The following ALG13 variants were observed in gnomAD, a reference collection of about 807,000 sequenced individuals.
ALG13 encodes the protein ALG13 UDP-N-acetylglucosaminyltransferase subunit.
In ALG13, 11 loss-of-function variants were observed where a neutral mutation model predicts 87.8. The ratio of observed to expected loss-of-function variants is 0.13; its 90% CI spans 0.08 to 0.21. ALG13 has a LOEUF of 0.21. Among genes scored for constraint, ALG13 ranks in the 10% least tolerant of loss-of-function variants. ALG13 has a pLI of 1.00. For synonymous variants in ALG13, 320 were observed against 306.3 expected (o/e 1.04, Z -0.47); for missense variants, 756 against 866.1 (o/e 0.87, Z 1.60).
intron 19 of ALG13, among the ~76,000 whole-genome samples, chrX:111,728,603 G>C (rs1312146846): frequency 9.0e-6 from 1 of 111,206 alleles, no homozygotes; most frequent in Non-Finnish European, 1.9e-5. Flanking sequence ...ACATCTATTC[G>C]TTGTTAGTAG....
At chrX:111,698,009 A>C (rs1440438921) in intron 3 of ALG13, among the ~76,000 whole-genome samples, 1 of 112,111 alleles carries the variant, frequency 8.9e-6, no homozygotes, top group East Asian at 2.8e-4. Flanking sequence ...TCTAAAATTA[A>C]GGTAATACAT....
chrX:111,682,412 G>A (rs1313101076), intron 2 of ALG13, 118 bp downstream of exon 2: 9 of 519,057 alleles, frequency 1.7e-5, no homozygotes, highest in African/African-American at 4.9e-5. Context: ...GTAAACGTGT[G>A]CCATGCATCA....
chrX:111,695,599 TA>T (rs1180819216), intron 3 of ALG13, among the ~76,000 whole-genome samples: 2 of 110,361 alleles, frequency 1.8e-5, no homozygotes, highest in East Asian at 2.8e-4. Context: ...TATTTTCCTT[TA>T]AAAAAAAATC....
chrX:111,683,776 T>C (rs748528555), intron 2 of ALG13, among the ~76,000 whole-genome samples: 2 of 112,212 alleles, frequency 1.8e-5, no homozygotes, highest in South Asian at 7.4e-4. Context: ...CCTAATATTC[T>C]ATATTTGCAT....
intron 25 of ALG13, among the ~76,000 whole-genome samples, chrX:111,756,449 G>C (rs770462536): frequency 1.8e-5 from 2 of 111,843 alleles, no homozygotes; most frequent in Non-Finnish European, 3.8e-5. Flanking sequence ...AAGCACTCAT[G>C]TGTTCATAGA....
intron 26 of ALG13, among the ~76,000 whole-genome samples, chrX:111,759,336 C>T (rs1945551265): frequency 9.0e-6 from 1 of 110,862 alleles, no homozygotes; most frequent in African/African-American, 3.3e-5. Context: ...AATGTCTAGA[C>T]ACCTGAGTTT....
intron 11 of ALG13, among the ~76,000 whole-genome samples, chrX:111,720,581 G>A (rs1941280779): frequency 9.0e-6 from 1 of 111,062 alleles, no homozygotes; most frequent in African/African-American, 3.3e-5. Context: ...CATCCGTATA[G>A]GACTAAAATC....
chrX:111,744,285 T>C (rs1340322276), intron 23 of ALG13, among the ~76,000 whole-genome samples: 1 of 111,917 alleles, frequency 8.9e-6, no homozygotes, highest in Non-Finnish European at 1.9e-5. Context: ...TTTTGTGATT[T>C]GACTGAGAGT....
At chrX:111,757,872 C>T in intron 26 of ALG13, 110 bp downstream of exon 26, 1 of 760,084 alleles carries the variant, frequency 1.3e-6, no homozygotes, top group Non-Finnish European at 1.9e-6. Context: ...ACCAGTGATT[C>T]TCAAAGCATG....
At chrX:111,729,796 A>G (rs752379940) in intron 19 of ALG13, among the ~76,000 whole-genome samples, 1 of 112,184 alleles carries the variant, frequency 8.9e-6, no homozygotes, top group Non-Finnish European at 1.9e-5. Context: ...TTTTACATGT[A>G]TTACTTACAT....
intron 26 of ALG13, among the ~76,000 whole-genome samples, chrX:111,758,595 T>C (rs1428451059): frequency 8.9e-6 from 1 of 112,130 alleles, no homozygotes; most frequent in Non-Finnish European, 1.9e-5. Context: ...CATAACTCAG[T>C]GAAGGAAGAG....
At chrX:111,698,981 G>A (rs184747611) in intron 3 of ALG13, among the ~76,000 whole-genome samples, 22 of 111,406 alleles carry the variant, frequency 2.0e-4, no homozygotes, top group African/African-American at 7.2e-4. Flanking sequence ...CACCAACAAC[G>A]TACAACAGTT....
At chrX:111,758,017 G>A (rs1406600200) in intron 26 of ALG13, among the ~76,000 whole-genome samples, 2 of 111,046 alleles carry the variant, frequency 1.8e-5, no homozygotes, top group Non-Finnish European at 3.8e-5. Context: ...AACCAGTGGT[G>A]GGTAAAACTG....
At chrX:111,689,674 C>T (rs1359620906) in intron 3 of ALG13, 2 of 715,550 alleles carry the variant, frequency 2.8e-6, no homozygotes, top group African/African-American at 4.7e-5. Flanking sequence ...AGTCCAATTC[C>T]ATCATATTCA....
chrX:111,724,264 C>T (rs1179643470), intron 14 of ALG13, among the ~76,000 whole-genome samples: 1 of 111,856 alleles, frequency 8.9e-6, no homozygotes, highest in Non-Finnish European at 1.9e-5. Context: ...CCAGAATTAC[C>T]TGGAGGGCTT....
chrX:111,732,599 C>T (rs1942818226), intron 21 of ALG13, among the ~76,000 whole-genome samples: 1 of 111,944 alleles, frequency 8.9e-6, no homozygotes, highest in South Asian at 3.7e-4. Flanking sequence ...TTGGATGGAG[C>T]TGGGAAGGGC....
intron 26 of ALG13, among the ~76,000 whole-genome samples, 158 bp downstream of exon 26, chrX:111,757,920 G>A (rs770340775): frequency 8.9e-6 from 1 of 111,807 alleles, no homozygotes; most frequent in South Asian, 3.8e-4. Context: ...ACTCTTTCAA[G>A]GGATTCATGA....
At chrX:111,717,266 C>T (rs774356090) in intron 8 of ALG13, among the ~76,000 whole-genome samples, 4 of 111,691 alleles carry the variant, frequency 3.6e-5, no homozygotes, top group Non-Finnish European at 3.8e-5. Context: ...TCAGCTCAGA[C>T]GTTAAACTGT....
At chrX:111,756,916 CAT>C (rs1040407369) in intron 25 of ALG13, among the ~76,000 whole-genome samples, 33 of 111,939 alleles carry the variant, frequency 2.9e-4, no homozygotes, top group African/African-American at 8.7e-4. Context: ...ATTATAGTCA[CAT>C]GTGGAAACTT....
Sources: allele counts gnomAD v4.1 joint callset (sites outside exome capture counted in the v4.1 genomes callset), GRCh38; gene constraint gnomAD v4.1.1; transcripts MANE v1.5; gene names NCBI Gene and HGNC (gene_info 2026-07-23, HGNC 2026-07-21).